METTL4: variants seen among roughly 807,000 people sequenced by gnomAD.
The protein encoded by METTL4 is N(6)-adenine-specific methyltransferase METTL4.
In METTL4, 40 loss-of-function variants were observed where a neutral mutation model predicts 54.0. The observed-to-expected ratio is 0.74, with a 90% CI of 0.58 to 0.96. The LOEUF is 0.96. Ranked by LOEUF, METTL4 falls within the 50% of genes least tolerant of loss-of-function variation. The pLI is 0.00. For missense variants in METTL4, 525 were observed against 549.0 expected, an observed-to-expected ratio of 0.96 and a Z score of 0.44; for synonymous variants, 169 against 183.8, an observed-to-expected ratio of 0.92 and a Z score of 0.65.
chr18:2,569,694 G>A (rs1370367373), intron 1 of METTL4, among the ~76,000 whole-genome samples: 4 of 152,020 alleles, frequency 2.6e-5, no homozygotes, highest in Non-Finnish European at 4.4e-5. Flanking sequence ...CCTCTGCTCC[G>A]CTCCCCTCTG....
intron 8 of METTL4, chr18:2,539,946 A>G: frequency 2.1e-6 from 2 of 971,532 alleles, no homozygotes; most frequent in Non-Finnish European, 2.4e-6. Context: ...CTGAGAACAA[A>G]TAACTAACAT....
chr18:2,540,231 T>TGA, intron 8 of METTL4: 1 of 985,004 alleles, frequency 1.0e-6, no homozygotes, highest in Non-Finnish European at 1.2e-6. Flanking sequence ...AATACTTAAA[T>TGA]CAATTTAATC....
intron 5 of METTL4, among the ~76,000 whole-genome samples, chr18:2,551,271 A>G (rs2072156136): frequency 6.6e-6 from 1 of 152,134 alleles, no homozygotes; most frequent in South Asian, 2.1e-4. Flanking sequence ...ACATACTGAA[A>G]TATTCAAGGC....
At chr18:2,559,825 T>C (rs559983544) in intron 3 of METTL4, among the ~76,000 whole-genome samples, 1 of 152,232 alleles carries the variant, frequency 6.6e-6, no homozygotes, top group East Asian at 1.9e-4. Flanking sequence ...AACCTCCACC[T>C]CCCAGGTTCC....
chr18:2,556,672 T>C (rs1303335818), intron 3 of METTL4, among the ~76,000 whole-genome samples: 2 of 152,076 alleles, frequency 1.3e-5, no homozygotes, highest in African/African-American at 4.8e-5. Flanking sequence ...TTATACTATA[T>C]TCATATGATC....
At chr18:2,549,891 G>C (rs1454558261) in intron 5 of METTL4, among the ~76,000 whole-genome samples, 2 of 150,634 alleles carry the variant, frequency 1.3e-5, no homozygotes, top group Non-Finnish European at 2.9e-5. Context: ...CTACTCAGGA[G>C]GCTAAGGCAG....
intron 1 of METTL4, chr18:2,568,810 A>G: frequency 4.8e-6 from 1 of 209,276 alleles, no homozygotes; most frequent in Non-Finnish European, 1.0e-5. Context: ...CTAGAAGATG[A>G]TAAAGACATG....
In METTL4 at chr18:2,566,821, C is replaced by T; in HGVS notation, c.396G>A (p.Lys132=). The change falls in exon 2 of 9, where the codon AAG becomes AAA. Residue 132 remains lysine (K), a splice_region_variant and synonymous_variant. Transcript: ENST00000574538. ...ATAAATATTTCTTAAAACTTTCTAC[C>T]TTCCCAATAATAGAAATGGAGATTT... The part of the protein sequence containing the change: ...KKEISISIIG[K]KRKRCVVFNQ... The T allele has an allele frequency of 5.2e-6, 8 of 1,539,514 alleles. No individual in the cohort carries two copies. Among genetic ancestry groups the T allele is most frequent in the South Asian group, 1.2e-5 (1 of 80,378 alleles).
At chr18:2,546,356 G>A (rs2072070055) in intron 6 of METTL4, among the ~76,000 whole-genome samples, 2 of 152,004 alleles carry the variant, frequency 1.3e-5, no homozygotes, top group Admixed American at 6.6e-5. Context: ...ATTAGTTATT[G>A]TTTATCTCTC....
chr18:2,570,492 A>C (rs1188336507), intron 1 of METTL4, among the ~76,000 whole-genome samples: 3 of 152,234 alleles, frequency 2.0e-5, no homozygotes, highest in Non-Finnish European at 4.4e-5. Context: ...TGTTTCCATT[A>C]ATCTTTTCTG....
intron 1 of METTL4, among the ~76,000 whole-genome samples, chr18:2,569,448 A>C (rs1046754745): frequency 6.6e-6 from 1 of 152,142 alleles, no homozygotes; most frequent in South Asian, 2.1e-4. Context: ...TTCTCCTTAC[A>C]TGGCCTGGAG....
chr18:2,557,471 A>G (rs1005037855), intron 3 of METTL4, among the ~76,000 whole-genome samples: 1 of 152,172 alleles, frequency 6.6e-6, no homozygotes, highest in Admixed American at 6.5e-5. Context: ...TGTTCCAGAA[A>G]AAATTTCCAA....
chr18:2,546,224 T>G (rs1416009598), intron 6 of METTL4, among the ~76,000 whole-genome samples: 3 of 152,114 alleles, frequency 2.0e-5, no homozygotes, highest in Non-Finnish European at 4.4e-5. Context: ...TTTCCAGGTT[T>G]TCAGGTACTC....
intron 3 of METTL4, chr18:2,561,260 C>T (rs2072312461): frequency 6.6e-6 from 1 of 152,014 alleles, no homozygotes; most frequent in African/African-American, 2.4e-5. Context: ...AAATCAGAAA[C>T]ATGATAATTG....
At chr18:2,547,872 G>C (rs767659157) in intron 5 of METTL4, among the ~76,000 whole-genome samples, 2 of 151,982 alleles carry the variant, frequency 1.3e-5, no homozygotes, top group African/African-American at 2.4e-5. Flanking sequence ...CGTTACACAG[G>C]AGCCCTGTCA....
chr18:2,544,861 G>C, intron 6 of METTL4, 102 bp from the exon 7 acceptor site: 1 of 638,892 alleles, frequency 1.6e-6, no homozygotes, highest in Non-Finnish European at 2.7e-6. Context: ...GTGATATTCA[G>C]TAAAAATACT....
chr18:2,541,182 A>G (rs1037038408), intron 8 of METTL4, among the ~76,000 whole-genome samples: 109 of 152,214 alleles, frequency 7.2e-4, no homozygotes, highest in African/African-American at 2.5e-3. Context: ...AAAATAAGGG[A>G]GAAGAAATAA....
rs1187852039 is a variant in METTL4, at chr18:2,539,066, A to C, written c.1353T>G (p.Ser451Arg). 2 of 1,613,904 alleles carry C rather than the reference A, an allele frequency of 1.2e-6. No homozygotes were observed. The highest frequency in any genetic ancestry group is 2.7e-5 in the African/African-American group (2 of 74,928). ...GAAATTTGAGAACTTCATTGCCCCA[A>C]CTAGTCCAACCTGGCTGTAAATTTC... ...FARNLQPGWT[S>R]WGNEVLKFQH... is the part of the protein sequence containing the mutation. Residue 451 changes from serine (S) to arginine (R), a missense_variant, in exon 9 of 9, where the codon AGT becomes AGG. Coordinates refer to ENST00000574538, the MANE Select transcript of METTL4 (RefSeq NM_022840.5).
At chr18:2,543,826 T>C (rs969864232) in intron 8 of METTL4, among the ~76,000 whole-genome samples, 1 of 152,204 alleles carries the variant, frequency 6.6e-6, no homozygotes, top group Non-Finnish European at 1.5e-5. Flanking sequence ...CTGACTACTA[T>C]TCTGAGTTCC....
Sources: allele counts gnomAD v4.1 joint callset (sites outside exome capture counted in the v4.1 genomes callset), GRCh38; gene constraint gnomAD v4.1.1; transcripts MANE v1.5; gene names NCBI Gene and HGNC (gene_info 2026-07-23, HGNC 2026-07-21).